PAK5: variants seen among roughly 807,000 people sequenced by gnomAD.
The protein encoded by PAK5 is p21 (RAC1) activated kinase 5.
In PAK5, 16 loss-of-function variants were observed where a neutral mutation model predicts 65.9. The ratio of observed to expected loss-of-function variants is 0.24; its 90% CI spans 0.16 to 0.37. The LOEUF (loss-of-function observed/expected upper bound fraction) is 0.37. Ranked by LOEUF, PAK5 falls within the 10% of genes least tolerant of loss-of-function variation. The pLI, the probability that PAK5 is intolerant of heterozygous loss-of-function variation, is 1.00. For synonymous variants in PAK5, 371 were observed against 354.9 expected, an observed-to-expected ratio of 1.05 and a Z score of -0.51; for missense variants, 785 against 903.9, an observed-to-expected ratio of 0.87 and a Z score of 1.69.
chr20:9,635,207 T>C (rs1200653220), intron 3 of PAK5, among the ~76,000 whole-genome samples: 2 of 152,218 alleles, frequency 1.3e-5, no homozygotes, highest in African/African-American at 4.8e-5. Context: ...ACTTCCTGCA[T>C]CCCAACTGTT....
At chr20:9,819,851 A>G (rs1292046109) in intron 1 of PAK5, among the ~76,000 whole-genome samples, 1 of 152,184 alleles carries the variant, frequency 6.6e-6, no homozygotes, top group Non-Finnish European at 1.5e-5. Flanking sequence ...TGTTAGAACT[A>G]TTGGGCTAGA....
chr20:9,836,928 A>T (rs551497707), intron 1 of PAK5, among the ~76,000 whole-genome samples: 14 of 152,326 alleles, frequency 9.2e-5, no homozygotes, highest in African/African-American at 3.4e-4. Context: ...TCACAAAGCT[A>T]AACATAGAAG....
chr20:9,606,283 C>T (rs577710017), intron 3 of PAK5, among the ~76,000 whole-genome samples: 18 of 152,306 alleles, frequency 1.2e-4, no homozygotes, highest in Admixed American at 4.6e-4. Context: ...TCCACCTCTG[C>T]CTTCCCCGAT....
intron 7 of PAK5, among the ~76,000 whole-genome samples, chr20:9,556,018 G>T (rs986947218): frequency 6.6e-6 from 1 of 152,230 alleles, no homozygotes; most frequent in Non-Finnish European, 1.5e-5. Flanking sequence ...GCAGAGATGA[G>T]CTGGTACAGA....
At chr20:9,746,323 A>T (rs1163187927) in intron 1 of PAK5, among the ~76,000 whole-genome samples, 4 of 152,146 alleles carry the variant, frequency 2.6e-5, no homozygotes, top group African/African-American at 7.2e-5. Flanking sequence ...ATCCCTGCCC[A>T]GGCTTTCTTG....
intron 3 of PAK5, among the ~76,000 whole-genome samples, chr20:9,621,215 T>A (rs60243182): frequency 6.6e-6 from 1 of 151,898 alleles, no homozygotes; most frequent in Non-Finnish European, 1.5e-5. Context: ...TCAAAACCTA[T>A]GCAAAAATAT....
intron 1 of PAK5, among the ~76,000 whole-genome samples, chr20:9,726,081 A>G (rs2048274114): frequency 6.6e-6 from 1 of 152,156 alleles, no homozygotes; most frequent in South Asian, 2.1e-4. Context: ...TGTAGGAGTC[A>G]AGGTATTATA....
intron 3 of PAK5, among the ~76,000 whole-genome samples, chr20:9,599,380 G>A (rs1437122658): frequency 1.3e-5 from 2 of 152,156 alleles, no homozygotes; most frequent in Admixed American, 6.5e-5. Context: ...CTGAGTAGTG[G>A]AGTTGCTAGA....
intron 7 of PAK5, among the ~76,000 whole-genome samples, chr20:9,545,760 A>C (rs951221637): frequency 6.6e-6 from 1 of 152,132 alleles, no homozygotes; most frequent in Non-Finnish European, 1.5e-5. Flanking sequence ...GTATATTTCT[A>C]AATGGATGAC....
At chr20:9,671,183 A>G (rs1292227246) in intron 2 of PAK5, among the ~76,000 whole-genome samples, 1 of 152,152 alleles carries the variant, frequency 6.6e-6, no homozygotes, top group Non-Finnish European at 1.5e-5. Context: ...GTAGCCTTGT[A>G]GTATAGTTTG....
intron 3 of PAK5, among the ~76,000 whole-genome samples, chr20:9,625,190 A>G (rs551639609): frequency 8.5e-5 from 13 of 152,126 alleles, no homozygotes; most frequent in African/African-American, 3.1e-4. Flanking sequence ...TCCACCATCA[A>G]TGACCTCCAC....
At chr20:9,807,948 T>C (rs1477341332) in intron 1 of PAK5, among the ~76,000 whole-genome samples, 1 of 152,056 alleles carries the variant, frequency 6.6e-6, no homozygotes. Flanking sequence ...GCATTAACTT[T>C]GAACTTCACA....
chr20:9,556,747 G>T (rs951884379), intron 7 of PAK5, among the ~76,000 whole-genome samples: 1 of 152,150 alleles, frequency 6.6e-6, no homozygotes, highest in African/African-American at 2.4e-5. Flanking sequence ...TGTGAAATAC[G>T]GAAATCTGGG....
Position 9,657,213 on chromosome 20 carries a change from T to C in PAK5, c.-11-12874A>G, listed in dbSNP as rs533112508. ...TTTCTATCTCCACAAATATATAATA[T>C]TGAGACTGTTATATAAATGAAATCA... On this transcript the variant is annotated intron_variant, in intron 2 of 9. Transcript: ENST00000353224. 1.4e-4 allele frequency among the ~76,000 whole-genome samples: 21 copies of C among 152,284 alleles called. No individual in the cohort carries two copies. In the East Asian group the frequency reaches 3.9e-3, roughly 28 times the overall value.
At chr20:9,748,058 C>T (rs1398138864) in intron 1 of PAK5, among the ~76,000 whole-genome samples, 1 of 152,006 alleles carries the variant, frequency 6.6e-6, no homozygotes, top group Admixed American at 6.6e-5. Flanking sequence ...AAACAGAGAG[C>T]CAAATCATGA....
chr20:9,555,076 C>T (rs540534082), intron 7 of PAK5, among the ~76,000 whole-genome samples: 1 of 152,088 alleles, frequency 6.6e-6, no homozygotes, highest in Non-Finnish European at 1.5e-5. Flanking sequence ...GTTTATTTAT[C>T]TATTTGTTTA....
chr20:9,798,233 A>C (rs1371259509), intron 1 of PAK5, among the ~76,000 whole-genome samples: 1 of 143,310 alleles, frequency 7.0e-6, no homozygotes, highest in Non-Finnish European at 1.6e-5. Flanking sequence ...AAAGTAGAGT[A>C]ACTGTATGAG....
At chr20:9,597,405 T>G (rs980599372) in intron 3 of PAK5, among the ~76,000 whole-genome samples, 1 of 152,222 alleles carries the variant, frequency 6.6e-6, no homozygotes, top group African/African-American at 2.4e-5. Flanking sequence ...TCCTTCACTT[T>G]TAAATTCCTA....
chr20:9,544,077 G>A (rs1340723771), intron 8 of PAK5, among the ~76,000 whole-genome samples: 1 of 152,126 alleles, frequency 6.6e-6, no homozygotes, highest in African/African-American at 2.4e-5. Context: ...CTTGCTTTGT[G>A]TGTGTGCCTG....
Sources: allele counts gnomAD v4.1 joint callset (sites outside exome capture counted in the v4.1 genomes callset), GRCh38; gene constraint gnomAD v4.1.1; transcripts MANE v1.5; gene names NCBI Gene and HGNC (gene_info 2026-07-23, HGNC 2026-07-21).